The following ZEB1 variants were observed in gnomAD, a reference collection of about 807,000 sequenced individuals.
The protein encoded by ZEB1 is zinc finger E-box-binding homeobox 1.
ZEB1 carries 21 observed loss-of-function variants against 84.9 expected under a neutral mutation model. That is an observed-to-expected ratio of 0.25 (90% CI 0.18 to 0.36). ZEB1 has a LOEUF of 0.36. ZEB1 is among the 10% of genes least tolerant of loss of function. The pLI, the probability that ZEB1 is intolerant of heterozygous loss-of-function variation, is 1.00. For missense variants in ZEB1, 1,104 were observed against 1,330.2 expected (o/e 0.83, Z 2.65); for synonymous variants, 420 against 471.1 (o/e 0.89, Z 1.41).
intron 2 of ZEB1, among the ~76,000 whole-genome samples, chr10:31,495,046 T>G (rs2067023785): frequency 6.6e-6 from 1 of 152,040 alleles, no homozygotes; most frequent in Non-Finnish European, 1.5e-5. Flanking sequence ...TCTTTCTAGT[T>G]TTCTGGTACC....
chr10:31,338,033 A>G (rs890452455), intron 1 of ZEB1, among the ~76,000 whole-genome samples: 2 of 152,082 alleles, frequency 1.3e-5, no homozygotes, highest in African/African-American at 2.4e-5. Flanking sequence ...AAATGTATTC[A>G]TTTATTTTTA....
intron 1 of ZEB1, chr10:31,360,936 C>G: frequency 1.3e-6 from 2 of 1,586,952 alleles, no homozygotes; most frequent in Non-Finnish European, 1.7e-6. Context: ...AATTGCATGT[C>G]TGGAGGAAGC....
intron 1 of ZEB1, among the ~76,000 whole-genome samples, chr10:31,376,604 A>T (rs1039738216): frequency 2.6e-5 from 4 of 151,756 alleles, no homozygotes; most frequent in Admixed American, 2.6e-4. Context: ...CTCCAGAGTC[A>T]TACTGGTTGG....
chr10:31,404,709 T>C (rs1404860206), intron 1 of ZEB1, among the ~76,000 whole-genome samples: 2 of 152,184 alleles, frequency 1.3e-5, no homozygotes, highest in African/African-American at 2.4e-5. Flanking sequence ...GGATCTTGCC[T>C]TTTGTCTTGT....
intron 2 of ZEB1, among the ~76,000 whole-genome samples, chr10:31,462,770 G>T (rs1299791627): frequency 6.6e-6 from 1 of 152,164 alleles, no homozygotes; most frequent in Admixed American, 6.5e-5. Context: ...TTATAAATAA[G>T]TCTGGTGTAA....
intron 1 of ZEB1, among the ~76,000 whole-genome samples, chr10:31,427,230 C>G (rs1009513869): frequency 1.3e-5 from 2 of 152,136 alleles, no homozygotes; most frequent in Admixed American, 1.3e-4. Flanking sequence ...AGTCAGTATC[C>G]TGGATATAAA....
intron 1 of ZEB1, among the ~76,000 whole-genome samples, chr10:31,360,155 C>G (rs924871199): frequency 6.6e-6 from 1 of 152,124 alleles, no homozygotes; most frequent in African/African-American, 2.4e-5. Context: ...TTCACTAAGT[C>G]CTGCCCTGTG....
At chr10:31,390,804 C>T (rs988500540) in intron 1 of ZEB1, among the ~76,000 whole-genome samples, 1 of 152,146 alleles carries the variant, frequency 6.6e-6, no homozygotes, top group African/African-American at 2.4e-5. Flanking sequence ...TGGATCCTGA[C>T]CAGTTCAGCA....
chr10:31,468,680 T>C (rs1202088765), intron 2 of ZEB1, among the ~76,000 whole-genome samples: 3 of 152,182 alleles, frequency 2.0e-5, no homozygotes, highest in African/African-American at 7.2e-5. Context: ...AAGGAATTTA[T>C]ACAGAGCCTT....
intron 1 of ZEB1, among the ~76,000 whole-genome samples, chr10:31,354,200 C>A (rs2041763473): frequency 2.0e-5 from 3 of 152,102 alleles, no homozygotes; most frequent in Admixed American, 6.5e-5. Flanking sequence ...ATATTGGAAT[C>A]CCATTTCATC....
At chr10:31,360,960 G>A (rs1037072292) in intron 1 of ZEB1, 35 of 1,601,868 alleles carry the variant, frequency 2.2e-5, no homozygotes, top group African/African-American at 9.4e-5. Context: ...TAACTATGGC[G>A]ACCGCCACGG....
intron 1 of ZEB1, among the ~76,000 whole-genome samples, chr10:31,444,521 T>G (rs1316695651): frequency 6.6e-6 from 1 of 151,240 alleles, no homozygotes; most frequent in Non-Finnish European, 1.5e-5. Context: ...TGCCTAGGTT[T>G]TCTTCTAGGG....
At chr10:31,448,601 T>A (rs2060104339) in intron 1 of ZEB1, among the ~76,000 whole-genome samples, 2 of 151,584 alleles carry the variant, frequency 1.3e-5, no homozygotes, top group South Asian at 2.1e-4. Flanking sequence ...GGTGTGGATG[T>A]CCTTTCTGTT....
intron 1 of ZEB1, chr10:31,321,205 G>C: frequency 9.0e-7 from 1 of 1,112,048 alleles, no homozygotes; most frequent in Non-Finnish European, 1.1e-6. Flanking sequence ...GATTTTGTGT[G>C]GGATTTCCTG....
At chr10:31,346,016 T>C (rs553715320) in intron 1 of ZEB1, among the ~76,000 whole-genome samples, 3 of 152,222 alleles carry the variant, frequency 2.0e-5, no homozygotes, top group Non-Finnish European at 4.4e-5. Flanking sequence ...CAAAAAGTTA[T>C]GTAATTTGGC....
At chr10:31,358,535 T>C (rs1197104056) in intron 1 of ZEB1, 1 of 152,234 alleles carries the variant, frequency 6.6e-6, no homozygotes, top group Admixed American at 6.5e-5. Context: ...ATACAGTTTC[T>C]TAAATAAATT....
At chr10:31,331,739 A>T (rs539998057) in intron 1 of ZEB1, among the ~76,000 whole-genome samples, 1 of 152,308 alleles carries the variant, frequency 6.6e-6, no homozygotes, top group Admixed American at 6.5e-5. Context: ...TACAGGGGGA[A>T]TATTATGTGC....
chr10:31,355,841 A>G (rs2042033326), intron 1 of ZEB1, among the ~76,000 whole-genome samples: 1 of 152,152 alleles, frequency 6.6e-6, no homozygotes, highest in Non-Finnish European at 1.5e-5. Flanking sequence ...CCTAAGGGAT[A>G]TTGGGAAACC....
intron 1 of ZEB1, among the ~76,000 whole-genome samples, chr10:31,415,125 C>T (rs953983018): frequency 6.6e-6 from 1 of 152,150 alleles, no homozygotes; most frequent in Non-Finnish European, 1.5e-5. Flanking sequence ...CTGCTAGGCA[C>T]TGCTGATGGT....
Sources: allele counts gnomAD v4.1 joint callset (sites outside exome capture counted in the v4.1 genomes callset), GRCh38; gene constraint gnomAD v4.1.1; transcripts MANE v1.5; gene names NCBI Gene and HGNC (gene_info 2026-07-23, HGNC 2026-07-21).